CDK12: variants seen among roughly 807,000 people sequenced by gnomAD.
CDK12 encodes cyclin dependent kinase 12.
In CDK12, 17 loss-of-function variants were observed where a neutral mutation model predicts 133.8. The observed-to-expected ratio is 0.13, with a 90% confidence interval of 0.09 to 0.19. The LOEUF (loss-of-function observed/expected upper bound fraction) is 0.19, where lower values mean the gene tolerates loss of function less well. Ranked by LOEUF, CDK12 falls within the 10% of genes least tolerant of loss-of-function variation. CDK12 has a pLI of 1.00. For synonymous variants in CDK12, 694 were observed against 683.6 expected (o/e 1.02, Z -0.24); for missense variants, 1,508 against 1,818.7 (o/e 0.83, Z 3.11).
chr17:39,512,162 A>G (rs2053542711), intron 8 of CDK12, among the ~76,000 whole-genome samples: 1 of 152,092 alleles, frequency 6.6e-6, no homozygotes, highest in African/African-American at 2.4e-5. Flanking sequence ...TGATCATAGC[A>G]CGCTATATCC....
At chr17:39,552,836 C>G (rs1346999765) in intron 2 of CDK12, among the ~76,000 whole-genome samples, 2 of 152,274 alleles carry the variant, frequency 1.3e-5, no homozygotes, top group East Asian at 3.9e-4. Context: ...TCTAGTGATT[C>G]TCCTGCTTCA....
At position 39,531,496 on chromosome 17, in the gene CDK12, T is replaced by A. The variant is rs1472172958; in HGVS notation, c.*180T>A. On this transcript the variant is annotated 3_prime_UTR_variant, in exon 14 of 14. Transcript: ENST00000447079. ...GCAGGCGACTTACGAAATAATGATGTTGGCACCAGTTCCCCCTGGATGGGC... is the reference window on the plus strand; with the variant it reads ...GCAGGCGACTTACGAAATAATGATGATGGCACCAGTTCCCCCTGGATGGGC... The A allele has an allele frequency of 2.0e-6, 1 of 490,540 alleles. No homozygotes were observed. The highest frequency in any genetic ancestry group is 3.4e-5 in the East Asian group (1 of 29,822). 30.4% of individuals were successfully genotyped at this position (490,540 alleles called of 1,614,324 possible).
intron 2 of CDK12, among the ~76,000 whole-genome samples, chr17:39,476,654 C>T (rs2050212908): frequency 7.0e-6 from 1 of 142,076 alleles, no homozygotes; most frequent in Non-Finnish European, 1.5e-5. Context: ...CTCAGGTGAT[C>T]TACCTGCCTT....
intron 1 of CDK12, among the ~76,000 whole-genome samples, chr17:39,470,043 T>C (rs2049672531): frequency 6.6e-6 from 1 of 152,122 alleles, no homozygotes; most frequent in Non-Finnish European, 1.5e-5. Context: ...GGGAAAAAAA[T>C]AGTGACCCAT....
Position 39,481,698 on chromosome 17 carries a change from CTCTCTCTCTCTCTT to C in CDK12, c.1932-8853_1932-8840del, listed in dbSNP as rs2050711971. 2.7e-4 allele frequency among the ~76,000 whole-genome samples: 5 copies of C among 18,410 alleles called. 1 individual carries two copies. Among genetic ancestry groups the C allele is most frequent in the African/African-American group, 6.0e-4 (4 of 6,644 alleles). The allele number at this position is 18,410 out of a possible 152,430, so 12.1% of individuals were successfully genotyped here. ...TCTCTCTCTCTCTCTCTCTCTCTCTCTCTCTCTCTCTCTTTCTCTTTTCTTTTTTCTTTTTTTTT... is the reference window on the plus strand; with the variant it reads ...TCTCTCTCTCTCTCTCTCTCTCTCTCTCTCTTTTCTTTTTTCTTTTTTTTT... On this transcript the variant is annotated intron_variant, in intron 2 of 13. Coordinates refer to ENST00000447079, the MANE Select transcript of CDK12 (RefSeq NM_016507.4).
chr17:39,488,627 A>G (rs1479961760), intron 2 of CDK12, among the ~76,000 whole-genome samples: 1 of 152,168 alleles, frequency 6.6e-6, no homozygotes, highest in Non-Finnish European at 1.5e-5. Flanking sequence ...GTAGTATTAA[A>G]TTGTTGAGCT....
intron 11 of CDK12, among the ~76,000 whole-genome samples, chr17:39,522,185 C>G (rs1358317616): frequency 6.6e-6 from 1 of 151,790 alleles, no homozygotes; most frequent in Non-Finnish European, 1.5e-5. Flanking sequence ...TCTCGACTCA[C>G]CACAAGCGTT....
chr17:39,494,416 TTAAAG>T lies in CDK12; in HGVS notation c.2249-104_2249-100del, dbSNP rs1386554378. ...GGTGTATAAGTATCTCGTGTAAGCATTAAAGTAAGCACTAAGTTTGTCTTCCAGAG... is the reference window on the plus strand; with the variant it reads ...GGTGTATAAGTATCTCGTGTAAGCATTAAGCACTAAGTTTGTCTTCCAGAG... On this transcript the variant is annotated intron_variant, in intron 4 of 13. Transcript: ENST00000447079. 8.0e-6 allele frequency: 7 copies of T among 878,924 alleles called. No homozygotes were observed. In the Admixed American group the frequency reaches 1.4e-4, roughly 17 times the overall value. The allele number at this position is 878,924 out of a possible 1,614,324, so 54.4% of individuals were successfully genotyped here.
chr17:39,482,599 AT>A lies in CDK12; in HGVS notation c.1932-7937del, dbSNP rs71147345. 2.1e-3 allele frequency among the ~76,000 whole-genome samples: 159 copies of A among 74,412 alleles called. 1 individual carries two copies. Among genetic ancestry groups the A allele is most frequent in the Middle Eastern group, 0.013 (1 of 76 alleles). 48.8% of individuals were successfully genotyped at this position (74,412 alleles called of 152,430 possible). ...GCTGCCAAAGTGAACAATCAACTAC[AT>A]TTTTTTTTTTTTTTTTTTTTGAGGC... is the stretch of plus-strand genomic sequence containing the variant. On this transcript the variant is annotated intron_variant, in intron 2 of 13. Transcript: ENST00000447079.
chr17:39,545,443 C>G (rs537007794), upstream of CDK12, among the ~76,000 whole-genome samples: 9 of 151,146 alleles, frequency 6.0e-5, no homozygotes, highest in Admixed American at 5.9e-4. Context: ...CCTGCCTCTG[C>G]TCCTAAAGTG....
chr17:39,463,731 A>T (rs1049126644), intron 1 of CDK12, among the ~76,000 whole-genome samples: 2 of 152,010 alleles, frequency 1.3e-5, no homozygotes, highest in African/African-American at 4.8e-5. Flanking sequence ...TTCCAAGGAC[A>T]ATTTGGTTTT....
intron 1 of CDK12, among the ~76,000 whole-genome samples, chr17:39,466,984 A>G (rs1567677929): frequency 1.3e-5 from 2 of 151,814 alleles, no homozygotes; most frequent in South Asian, 4.2e-4. Context: ...ATTTTATTTT[A>G]TTTTATTTTT....
intron 2 of CDK12, among the ~76,000 whole-genome samples, chr17:39,489,794 ATTTTTTTT>A (rs375969591): frequency 1.6e-5 from 2 of 126,052 alleles, no homozygotes; most frequent in African/African-American, 5.9e-5. Context: ...GCCTGGCCTA[ATTTTTTTT>A]TTTTTTTTTT....
rs146927469 is a variant in CDK12 at position 39,507,148 on chromosome 17, G to A, written c.2610-2557G>A. ...CTGACTTAAGTGGTCCGCCTGCCTC[G>A]GTCTCCCAAAGTGTTGGGACTACAG... On this transcript the variant is annotated intron_variant, in intron 6 of 13. Transcript: ENST00000447079. Among the ~76,000 whole-genome samples, 1,476 of 151,534 alleles carry A rather than the reference G, an allele frequency of 9.7e-3. 6 individuals carry two copies. Among genetic ancestry groups the A allele is most frequent in the Non-Finnish European group, 0.015 (1,019 of 67,846 alleles).
At chr17:39,508,078 A>G (rs1435757181) in intron 6 of CDK12, among the ~76,000 whole-genome samples, 1 of 152,064 alleles carries the variant, frequency 6.6e-6, no homozygotes, top group Non-Finnish European at 1.5e-5. Flanking sequence ...GATTTTTTTT[A>G]GATTTTGGAA....
Position 39,471,529 on chromosome 17 carries a change from T to G in CDK12, c.1697T>G (p.Leu566Arg), listed in dbSNP as rs2049794898. ...CCAGCTCTTCCACAGCAACCACCTCTGCCTCCTTCTCAGCCAGCATTTAGT... is the reference window on the plus strand; with the variant it reads ...CCAGCTCTTCCACAGCAACCACCTCGGCCTCCTTCTCAGCCAGCATTTAGT... Reference protein sequence around the residue: ...PIPALPQQPPLPPSQPAFSQV... With the variant: ...PIPALPQQPPRPPSQPAFSQV... Residue 566 changes from leucine to arginine, a missense_variant, in exon 2 of 14, where the codon CTG becomes CGG. Leu to Arg is a moderately radical substitution (Grantham distance 102). Coordinates refer to ENST00000447079, the MANE Select transcript of CDK12 (RefSeq NM_016507.4). 1.2e-6 allele frequency: 2 copies of G among 1,602,100 alleles called. No homozygotes were observed. The highest frequency in any genetic ancestry group is 3.3e-4 in the Middle Eastern group (2 of 5,996).
intron 8 of CDK12, among the ~76,000 whole-genome samples, chr17:39,514,532 T>C (rs1443131614): frequency 6.6e-6 from 1 of 152,090 alleles, no homozygotes; most frequent in African/African-American, 2.4e-5. Flanking sequence ...CTTTGAGATG[T>C]GGTCTTCCTA....
At chr17:39,487,377 A>G (rs1022292403) in intron 2 of CDK12, among the ~76,000 whole-genome samples, 1 of 152,212 alleles carries the variant, frequency 6.6e-6, no homozygotes, top group African/African-American at 2.4e-5. Flanking sequence ...TGCAAGAGAT[A>G]GATCTTTGTG....
At chr17:39,510,650 G>C (rs768035669) in intron 7 of CDK12, among the ~76,000 whole-genome samples, 2 of 148,102 alleles carry the variant, frequency 1.4e-5, no homozygotes, top group Non-Finnish European at 3.0e-5. Context: ...ATTTGCTCTT[G>C]TTGCCCAGGC....
Sources: allele counts gnomAD v4.1 joint callset (sites outside exome capture counted in the v4.1 genomes callset), GRCh38; gene constraint gnomAD v4.1.1; transcripts MANE v1.5; gene names NCBI Gene and HGNC (gene_info 2026-07-23, HGNC 2026-07-21).